Variants in WDFY3 observed in about 807,000 individuals in gnomAD.
WDFY3 encodes WD repeat and FYVE domain-containing protein 3.
Under a neutral mutation model 409.6 loss-of-function variants are expected in WDFY3, and 66 were observed. The ratio of observed to expected loss-of-function variants is 0.16; its 90% CI spans 0.13 to 0.20. The LOEUF is 0.20. Ranked by LOEUF, WDFY3 falls within the 10% of genes least tolerant of loss-of-function variation. WDFY3 has a pLI of 1.00. For synonymous variants in WDFY3, 1,521 were observed against 1,537.1 expected (o/e 0.99, Z 0.25); for missense variants, 3,031 against 4,298.1 (o/e 0.71, Z 8.24).
intron 2 of WDFY3, among the ~76,000 whole-genome samples, chr4:84,930,478 T>C (rs1428369096): frequency 2.6e-5 from 4 of 152,170 alleles, no homozygotes; most frequent in Non-Finnish European, 4.4e-5. Context: ...GATGTAGAAA[T>C]TGATGTCCAG....
chr4:84,900,038 G>C (rs560863068), intron 2 of WDFY3, among the ~76,000 whole-genome samples: 5 of 152,132 alleles, frequency 3.3e-5, no homozygotes, highest in Admixed American at 2.0e-4. Context: ...ACAAAGCCAA[G>C]ACCCTGTTTC....
intron 2 of WDFY3, among the ~76,000 whole-genome samples, chr4:84,914,359 G>A (rs1192133163): frequency 1.3e-5 from 2 of 152,054 alleles, no homozygotes; most frequent in African/African-American, 2.4e-5. Context: ...GGTTGCAGTG[G>A]TCCGAGATAG....
rs1484769172 is a variant in WDFY3, at chr4:84,669,783, C to A, written c.*3085G>T. 1 of 149,558 alleles carries A rather than the reference C, an allele frequency of 6.7e-6. No individual in the cohort carries two copies. Among genetic ancestry groups the A allele is most frequent in the East Asian group, 2.0e-4 (1 of 5,110 alleles). 9.3% of individuals were successfully genotyped at this position (149,558 alleles called of 1,614,324 possible). A position where few individuals can be genotyped will look rare whatever the true frequency, so the allele number is the denominator to read the frequency against. On this transcript the variant is annotated 3_prime_UTR_variant, in exon 68 of 68. Coordinates refer to ENST00000295888, the MANE Select transcript of WDFY3 (RefSeq NM_014991.6). ...GCAATATAGTATAAAAGTCCACAAT[C>A]AATCCAGTCTTAGCCAGTATCTTCA...
At chr4:84,774,749 C>G in intron 29 of WDFY3, 71 bp downstream of exon 29, 1 of 1,466,316 alleles carries the variant, frequency 6.8e-7, no homozygotes, top group Non-Finnish European at 9.2e-7. Context: ...CAATTAAATT[C>G]ATCTCATCCA....
At position 84,741,860 on chromosome 4, in the gene WDFY3, C is replaced by T; in HGVS notation, c.6135G>A (p.Val2045=). ...CCACCACACGCTGTGTGAAATAAAA[C>T]ACATTGTTCACCAATACCTGGTAGC... ...GGSYQVLVNN[V]FYFTQRVVDK... is the part of the protein sequence containing the mutation. Residue 2045 remains valine, a synonymous_variant, in exon 38 of 68, where the codon GTG becomes GTA. Coordinates refer to ENST00000295888, the MANE Select transcript of WDFY3 (RefSeq NM_014991.6). 2 of 1,612,656 alleles carry T rather than the reference C, an allele frequency of 1.2e-6. No individual in the cohort carries two copies. Among genetic ancestry groups the T allele is most frequent in the Non-Finnish European group, 1.7e-6 (2 of 1,178,902 alleles).
chr4:84,805,920 AG>A (rs1360664899), intron 15 of WDFY3, among the ~76,000 whole-genome samples: 1 of 152,168 alleles, frequency 6.6e-6, no homozygotes, highest in Non-Finnish European at 1.5e-5. Context: ...ACAATGAAAA[AG>A]GTTTTGAGTT....
chr4:84,690,785 C>G (rs1729132278), intron 60 of WDFY3, 121 bp from the exon 61 acceptor site: 2 of 1,226,050 alleles, frequency 1.6e-6, no homozygotes, highest in Admixed American at 3.0e-5. Flanking sequence ...GGCTCATGTT[C>G]TGAGCTAGCT....
intron 13 of WDFY3, among the ~76,000 whole-genome samples, chr4:84,811,818 A>G (rs1290445495): frequency 2.6e-5 from 4 of 152,232 alleles, no homozygotes; most frequent in African/African-American, 4.8e-5. Context: ...GTTTGGCACC[A>G]GAAAGGTTTC....
At chr4:84,680,410 C>G (rs1035440183) in intron 64 of WDFY3, among the ~76,000 whole-genome samples, 1 of 152,236 alleles carries the variant, frequency 6.6e-6, no homozygotes, top group Non-Finnish European at 1.5e-5. Flanking sequence ...CCGCCTCAGC[C>G]TTCTGAGTAG....
At chr4:84,908,613 C>T (rs569617160) in intron 2 of WDFY3, among the ~76,000 whole-genome samples, 1 of 152,168 alleles carries the variant, frequency 6.6e-6, no homozygotes, top group Non-Finnish European at 1.5e-5. Context: ...CCTCAATAGT[C>T]ATTTACAACT....
In WDFY3 at chr4:84,740,283, A is replaced by G; in HGVS notation, c.6368T>C (p.Leu2123Pro). Residue 2123 changes from leucine (L) to proline (P), a missense_variant, in exon 39 of 68, where the codon CTC (leucine) becomes CCC (proline). By Grantham distance (98) the Leu-to-Pro change is moderately conservative. This residue lies in a region of WDFY3 where 314 missense variants were observed against 397.4 expected (regional missense o/e 0.79). Transcript: ENST00000295888. ...CAGGATCAAGTTTCTGTTTACAGTG[A>G]GGACCCTGAGTGAATCAAGCAGAGC... ...QVALLDSLRV[L>P]TVNRNLILGP... The G allele has an allele frequency of 6.2e-7, 1 of 1,614,008 alleles. No individual in the cohort carries two copies. The highest frequency in any genetic ancestry group is 1.1e-5 in the South Asian group (1 of 91,078).
At chr4:84,888,238 C>T (rs746637691) in intron 3 of WDFY3, among the ~76,000 whole-genome samples, 6 of 152,030 alleles carry the variant, frequency 3.9e-5, no homozygotes, top group Admixed American at 1.3e-4. Context: ...AAGGCAAATA[C>T]GAATAAAAAA....
chr4:84,957,097 T>G (rs1243353166), intron 1 of WDFY3, among the ~76,000 whole-genome samples: 1 of 151,278 alleles, frequency 6.6e-6, no homozygotes, highest in Non-Finnish European at 1.5e-5. Flanking sequence ...TTTATAGAGA[T>G]ATAAAACCAA....
chr4:84,948,460 G>A (rs1032513589), intron 1 of WDFY3, among the ~76,000 whole-genome samples: 3 of 152,142 alleles, frequency 2.0e-5, no homozygotes, highest in African/African-American at 7.2e-5. Flanking sequence ...GTTCATCAAA[G>A]AATGTCAAGC....
At position 84,713,222 on chromosome 4, in the gene WDFY3, G is replaced by C. The variant is rs1332711659; in HGVS notation, c.7979C>G (p.Pro2660Arg). The change falls in exon 51 of 68, where the codon CCA (proline) becomes CGA (arginine). Residue 2660 changes from proline to arginine, a missense_variant. Physicochemically the swap from Pro to Arg is moderately radical, Grantham distance 103 (BLOSUM62 -2). Transcript: ENST00000295888. ...KVYQRFLAVV[P>R]SLTDSSESVS... The stretch of plus-strand genomic sequence containing the variant: ...AGATTCTGAACTGTCCGTTAGAGAT[G>C]GCACTACAGCCAAAAACCTGAAAAA... 2 of 1,614,086 alleles carry C rather than the reference G, an allele frequency of 1.2e-6. No individual in the cohort carries two copies. The highest frequency in any genetic ancestry group is 1.7e-6 in the Non-Finnish European group (2 of 1,180,006).
intron 3 of WDFY3, among the ~76,000 whole-genome samples, chr4:84,883,590 T>C (rs1274135891): frequency 6.6e-6 from 1 of 152,202 alleles, no homozygotes; most frequent in African/African-American, 2.4e-5. Context: ...CATATTATTT[T>C]GAAGAGCAAT....
intron 4 of WDFY3, among the ~76,000 whole-genome samples, chr4:84,856,529 T>A (rs538775780): frequency 6.6e-6 from 1 of 152,130 alleles, no homozygotes; most frequent in Non-Finnish European, 1.5e-5. Context: ...ACCATAATCT[T>A]TCAGTTTGAG....
At chr4:84,735,867 A>G (rs1024692070) in intron 42 of WDFY3, among the ~76,000 whole-genome samples, 1 of 152,252 alleles carries the variant, frequency 6.6e-6, no homozygotes. Context: ...TAAAATTTAT[A>G]TAATTATTAG....
intron 36 of WDFY3, among the ~76,000 whole-genome samples, chr4:84,749,325 A>G (rs979354073): frequency 6.6e-6 from 1 of 152,144 alleles, no homozygotes; most frequent in Non-Finnish European, 1.5e-5. Context: ...TTTTTTTTGT[A>G]TATGTATTCT....
Sources: allele counts gnomAD v4.1 joint callset (sites outside exome capture counted in the v4.1 genomes callset), GRCh38; gene constraint gnomAD v4.1.1; regional missense constraint gnomAD v4.1.1; transcripts MANE v1.5; gene names NCBI Gene and HGNC (gene_info 2026-07-23, HGNC 2026-07-21).